SYN3: variants seen among roughly 807,000 people sequenced by gnomAD.
SYN3 encodes synapsin-3.
SYN3 carries 35 observed loss-of-function variants against 65.8 expected under a neutral mutation model. The ratio of observed to expected loss-of-function variants is 0.53; its 90% CI spans 0.41 to 0.70. SYN3 has a LOEUF of 0.70. SYN3 is among the 30% of genes least tolerant of loss of function. SYN3 has a pLI of 0.00. For missense variants in SYN3, 680 were observed against 749.0 expected (o/e 0.91, Z 1.08); for synonymous variants, 270 against 292.9 (o/e 0.92, Z 0.80).
chr22:32,859,327 C>T lies in SYN3; in HGVS notation c.711+5588G>A, dbSNP rs764214887. ...GAAGGGCGGCTACTGCAGCTGGTAC[C>T]GAGGATGGGCCCCCCCGGATAAAAG... On this transcript the variant is annotated intron_variant, in intron 6 of 13. Transcript: ENST00000358763. 5.6e-6 allele frequency: 9 copies of T among 1,613,792 alleles called. No homozygotes were observed. The highest frequency in any genetic ancestry group is 1.3e-5 in the African/African-American group (1 of 75,062).
chr22:33,018,989 T>C (rs1364251333), intron 1 of SYN3, among the ~76,000 whole-genome samples: 5 of 152,188 alleles, frequency 3.3e-5, no homozygotes, highest in Non-Finnish European at 7.3e-5. Context: ...GTTCACGTGC[T>C]GCTAAAGCTC....
intron 3 of SYN3, among the ~76,000 whole-genome samples, chr22:32,949,781 C>T (rs2051235153): frequency 6.6e-6 from 1 of 152,088 alleles, no homozygotes; most frequent in South Asian, 2.1e-4. Flanking sequence ...CATCATAATA[C>T]TAAGCTGAAG....
chr22:32,952,167 T>C (rs756268881), intron 3 of SYN3, among the ~76,000 whole-genome samples: 2 of 152,110 alleles, frequency 1.3e-5, no homozygotes, highest in Non-Finnish European at 2.9e-5. Context: ...GAGGAAATCT[T>C]GCTCAGTAGA....
At chr22:32,760,837 CT>C (rs1182690866) in intron 6 of SYN3, among the ~76,000 whole-genome samples, 1 of 152,174 alleles carries the variant, frequency 6.6e-6, no homozygotes, top group Non-Finnish European at 1.5e-5. Context: ...CAAAGAGAAA[CT>C]TTGAGTATAT....
At chr22:32,948,647 G>T (rs1364301509) in intron 3 of SYN3, among the ~76,000 whole-genome samples, 4 of 152,094 alleles carry the variant, frequency 2.6e-5, no homozygotes, top group Non-Finnish European at 4.4e-5. Context: ...TGAGGCAGGA[G>T]AATGGCGTGA....
rs112398008 is a variant in SYN3, at chr22:32,658,261, G to A, written c.712-61525C>T. Among the ~76,000 whole-genome samples the A allele has an allele frequency of 6.5e-3, 996 of 152,358 alleles. 10 individuals carry two copies. The highest frequency in any genetic ancestry group is 0.023 in the African/African-American group (952 of 41,596). On this transcript the variant is annotated intron_variant, in intron 6 of 13. Coordinates refer to ENST00000358763, the MANE Select transcript of SYN3 (RefSeq NM_003490.4). ...ACCAAAGGAAGGTGGTCGGTGACGAGCAGGTGGGAGATCCCTGGGTAGGCT... is the reference window on the plus strand; with the variant it reads ...ACCAAAGGAAGGTGGTCGGTGACGAACAGGTGGGAGATCCCTGGGTAGGCT...
chr22:33,033,276 C>T lies in SYN3; in HGVS notation c.-163+25016G>A, dbSNP rs181250753. On this transcript the variant is annotated intron_variant, in intron 1 of 13. Transcript: ENST00000358763. ...TCAGCCTCCCAAAGTGCTGGGATTA[C>T]AGGCATGAGCCACCAGGCCCAGCCC... 6.7e-3 allele frequency among the ~76,000 whole-genome samples: 1,018 copies of T among 152,278 alleles called. 10 individuals are homozygous for T. The highest frequency in any genetic ancestry group is 0.034 in the Middle Eastern group (10 of 294).
At chr22:32,524,752 T>TTTA (rs2057947093) in intron 12 of SYN3, among the ~76,000 whole-genome samples, 1 of 152,232 alleles carries the variant, frequency 6.6e-6, no homozygotes, top group Admixed American at 6.5e-5. Flanking sequence ...GGCTCATGCC[T>TTTA]GTAATCCCAG....
chr22:32,868,853 A>T, intron 5 of SYN3, 113 bp downstream of exon 5: 1 of 944,510 alleles, frequency 1.1e-6, no homozygotes, highest in Non-Finnish European at 1.5e-6. Context: ...TCAGTTGCTT[A>T]AATAAGAATT....
intron 6 of SYN3, among the ~76,000 whole-genome samples, chr22:32,762,141 T>G (rs5994620): frequency 0.14 from 21,157 of 152,268 alleles, 1,489 homozygotes; most frequent in Middle Eastern, 0.2. Context: ...AGGCAGCACG[T>G]TTATAGCAGT....
chr22:32,719,368 G>A (rs950015875), intron 6 of SYN3, among the ~76,000 whole-genome samples: 1 of 152,136 alleles, frequency 6.6e-6, no homozygotes, highest in Non-Finnish European at 1.5e-5. Context: ...TTTGATAAAC[G>A]AATACTGGTG....
chr22:32,742,117 T>A (rs1360547388), intron 6 of SYN3, among the ~76,000 whole-genome samples: 1 of 151,290 alleles, frequency 6.6e-6, no homozygotes, highest in African/African-American at 2.4e-5. Flanking sequence ...ACTAAAAAAA[T>A]ACAAAAAAAT....
At chr22:32,867,116 C>T (rs1364085494) in intron 5 of SYN3, among the ~76,000 whole-genome samples, 1 of 152,180 alleles carries the variant, frequency 6.6e-6, no homozygotes, top group Non-Finnish European at 1.5e-5. Context: ...TCAGAGCTCA[C>T]ACTCTCAACT....
At chr22:32,697,179 C>A (rs530606432) in intron 6 of SYN3, among the ~76,000 whole-genome samples, 26 of 152,224 alleles carry the variant, frequency 1.7e-4, no homozygotes, top group African/African-American at 6.0e-4. Flanking sequence ...TCTAAGTGGG[C>A]CACTCTATTA....
chr22:32,564,469 C>G (rs1422613099), intron 7 of SYN3, among the ~76,000 whole-genome samples: 1 of 152,196 alleles, frequency 6.6e-6, no homozygotes, highest in Non-Finnish European at 1.5e-5. Context: ...AAGTAACTTT[C>G]CCAAGGTCAC....
At chr22:32,926,993 G>T (rs2050491098) in intron 4 of SYN3, among the ~76,000 whole-genome samples, 1 of 152,160 alleles carries the variant, frequency 6.6e-6, no homozygotes, top group African/African-American at 2.4e-5. Context: ...ATATGGGCTT[G>T]GGGACAGGAG....
intron 8 of SYN3, among the ~76,000 whole-genome samples, chr22:32,540,130 G>C (rs920100621): frequency 2.6e-5 from 4 of 152,220 alleles, no homozygotes; most frequent in Non-Finnish European, 5.9e-5. Flanking sequence ...CTCAGTAGTT[G>C]CAACAGAGAC....
chr22:32,650,803 T>C (rs1461565085), intron 6 of SYN3, among the ~76,000 whole-genome samples: 1 of 152,168 alleles, frequency 6.6e-6, no homozygotes, highest in Non-Finnish European at 1.5e-5. Context: ...TCTTATTAAA[T>C]GAGATAATGC....
chr22:33,008,962 A>AAGAG (rs753991156), intron 1 of SYN3, among the ~76,000 whole-genome samples: 6 of 99,602 alleles, frequency 6.0e-5, no homozygotes, highest in East Asian at 4.9e-4. Context: ...AAAAAAAAAA[A>AAGAG]AGAGAGAGAG....
Sources: gnomAD v4.1 joint callset for allele counts (sites outside exome capture counted in the v4.1 genomes callset) on GRCh38, gnomAD v4.1.1 for gene constraint, MANE v1.5 for transcripts, NCBI Gene and HGNC (gene_info 2026-07-23, HGNC 2026-07-21) for gene names.